Variants in INO80 observed in about 807,000 individuals in gnomAD.
INO80 encodes the protein INO80 complex ATPase subunit.
A neutral mutation model predicts 203.4 loss-of-function variants in INO80; 20 were observed. The ratio of observed to expected loss-of-function variants is 0.10; its 90% CI spans 0.07 to 0.14. The LOEUF (loss-of-function observed/expected upper bound fraction) is 0.14, where lower values mean the gene tolerates loss of function less well. Ranked by LOEUF, INO80 falls within the 10% of genes least tolerant of loss-of-function variation. INO80 has a pLI of 1.00. For synonymous variants in INO80, 726 were observed against 685.2 expected (o/e 1.06, Z -0.93); for missense variants, 1,419 against 1,914.4 (o/e 0.74, Z 4.83).
rs569251876 is a variant in INO80, at chr15:41,068,224, C to A, written c.1782+1346G>T. ...ATGACTAGAGGCCAGGAGTTCAAGA[C>A]CAGCCTGGGCAACATAGTGAGACCT... On this transcript the variant is annotated intron_variant, in intron 14 of 35. Coordinates refer to ENST00000648947, the MANE Select transcript of INO80 (RefSeq NM_017553.3). Among the ~76,000 whole-genome samples, 11 of 151,976 alleles carry A rather than the reference C, an allele frequency of 7.2e-5. No individual in the cohort carries two copies. In the South Asian group the frequency reaches 2.1e-3, roughly 29 times the overall value.
At chr15:41,020,156 G>A (rs1404230869) in intron 26 of INO80, among the ~76,000 whole-genome samples, 1 of 152,116 alleles carries the variant, frequency 6.6e-6, no homozygotes, top group African/African-American at 2.4e-5. Context: ...AGGAGGCGGG[G>A]CTTGCAGTGA....
intron 16 of INO80, 149 bp downstream of exon 16, chr15:41,058,490 G>T: frequency 1.3e-6 from 1 of 748,760 alleles, no homozygotes; most frequent in Non-Finnish European, 2.0e-6. Context: ...GCGAGACCTT[G>T]TCTCTATTAA....
At chr15:41,060,543 A>G (rs1210248694) in intron 14 of INO80, among the ~76,000 whole-genome samples, 1 of 151,970 alleles carries the variant, frequency 6.6e-6, no homozygotes, top group East Asian at 1.9e-4. Context: ...GACAAGAGCA[A>G]GACTTTGTCT....
chr15:41,019,954 G>C (rs1474132918), intron 26 of INO80, among the ~76,000 whole-genome samples: 1 of 152,212 alleles, frequency 6.6e-6, no homozygotes, highest in East Asian at 1.9e-4. Context: ...GGGCGCGGTG[G>C]CTCACGCCTG....
At chr15:41,081,695 C>G (rs1004222690) in intron 7 of INO80, among the ~76,000 whole-genome samples, 4 of 152,110 alleles carry the variant, frequency 2.6e-5, no homozygotes, top group Admixed American at 2.0e-4. Context: ...ACCTGACTCC[C>G]CATGATGTCT....
chr15:41,049,212 C>A, intron 21 of INO80, 75 bp downstream of exon 21: 1 of 1,282,622 alleles, frequency 7.8e-7, no homozygotes, highest in Non-Finnish European at 1.1e-6. Context: ...ATTCTCTCCA[C>A]TAAATTTATC....
chr15:41,081,164 G>A, intron 7 of INO80, 91 bp from the exon 8 acceptor site: 1 of 820,376 alleles, frequency 1.2e-6, no homozygotes. Flanking sequence ...ATTCCTAGAG[G>A]GTTAGAAAAT....
At position 41,096,369 on chromosome 15, in the gene INO80, A is replaced by G. The variant is rs1396067052; in HGVS notation, c.-43-16T>C. The G allele has an allele frequency of 6.8e-7, 1 of 1,467,962 alleles. No individual in the cohort carries two copies. Among genetic ancestry groups the G allele is most frequent in the South Asian group, 1.4e-5 (1 of 69,666 alleles). The allele number at this position is 1,467,962 out of a possible 1,614,324, so 90.9% of individuals were successfully genotyped here. Reference sequence around the variant, plus strand: ...GACTGCACGGCTGCAGAACAGAGATAAGAAGTGAAAGATGAAATTACTATC... The same window carrying G: ...GACTGCACGGCTGCAGAACAGAGATGAGAAGTGAAAGATGAAATTACTATC... On this transcript the variant is annotated splice_polypyrimidine_tract_variant and intron_variant, in intron 1 of 35. Coordinates refer to ENST00000648947, the MANE Select transcript of INO80 (RefSeq NM_017553.3).
At chr15:41,072,598 A>C (rs2045340106) in intron 11 of INO80, among the ~76,000 whole-genome samples, 1 of 147,046 alleles carries the variant, frequency 6.8e-6, no homozygotes, top group South Asian at 2.2e-4. Context: ...GCGCACCTGT[A>C]GTCCCAGCTA....
intron 28 of INO80, chr15:40,999,207 G>A (rs1444132558): frequency 1.3e-5 from 2 of 152,098 alleles, no homozygotes; most frequent in African/African-American, 4.8e-5. Flanking sequence ...TTCCAGTAAG[G>A]AAAACAAAAA....
chr15:41,090,725 G>A (rs1399653028), intron 5 of INO80, among the ~76,000 whole-genome samples: 1 of 151,946 alleles, frequency 6.6e-6, no homozygotes, highest in Non-Finnish European at 1.5e-5. Context: ...ACACAACTAT[G>A]AATATATTAA....
At chr15:41,083,389 G>A (rs1020333989) in intron 7 of INO80, among the ~76,000 whole-genome samples, 1 of 151,710 alleles carries the variant, frequency 6.6e-6, no homozygotes, top group African/African-American at 2.4e-5. Flanking sequence ...ACCATACCAA[G>A]GGATCAAAGG....
intron 23 of INO80, 92 bp from the exon 24 acceptor site, chr15:41,045,167 A>T: frequency 1.1e-6 from 1 of 892,744 alleles, no homozygotes; most frequent in South Asian, 2.6e-5. Flanking sequence ...CATTAACATA[A>T]CTCTTTTGTA....
intron 19 of INO80, among the ~76,000 whole-genome samples, chr15:41,051,802 C>A (rs1038164994): frequency 6.6e-6 from 1 of 151,892 alleles, no homozygotes; most frequent in Non-Finnish European, 1.5e-5. Flanking sequence ...ACTAAAAATA[C>A]AAAAATTAGC....
rs184228819 is a variant in INO80 at position 41,008,864 on chromosome 15, C to T, written c.3403-3177G>A. On this transcript the variant is annotated intron_variant, in intron 27 of 35. Coordinates refer to ENST00000648947, the MANE Select transcript of INO80 (RefSeq NM_017553.3). ...TTTTATTTTTTTTGAGATGGAGTCT[C>T]GCTCTGTTGCCCAGGCTGGAGCGCA... Among the ~76,000 whole-genome samples the T allele has an allele frequency of 2.7e-3, 410 of 152,252 alleles. 3 individuals are homozygous for T. The highest frequency in any genetic ancestry group is 0.013 in the South Asian group (61 of 4,820).
At chr15:41,068,677 G>A (rs915001568) in intron 14 of INO80, among the ~76,000 whole-genome samples, 34 of 152,034 alleles carry the variant, frequency 2.2e-4, no homozygotes, top group Middle Eastern at 3.4e-3. Flanking sequence ...GGACAACATG[G>A]TGAAACCCTC....
chr15:40,984,715 C>T (rs1250077443), intron 32 of INO80, among the ~76,000 whole-genome samples: 1 of 152,150 alleles, frequency 6.6e-6, no homozygotes, highest in African/African-American at 2.4e-5. Flanking sequence ...CAGAGCCACA[C>T]CAACCCTGAT....
intron 24 of INO80, among the ~76,000 whole-genome samples, chr15:41,041,462 C>T (rs559094112): frequency 2.0e-4 from 29 of 148,190 alleles, no homozygotes; most frequent in Middle Eastern, 3.4e-3. Flanking sequence ...TTTTTTGAGA[C>T]GGAGTTTTGC....
intron 15 of INO80, 99 bp from the exon 16 acceptor site, chr15:41,058,880 C>A: frequency 1.8e-6 from 2 of 1,139,886 alleles, no homozygotes; most frequent in Non-Finnish European, 2.5e-6. Flanking sequence ...ATGTTTAAGA[C>A]AGCCCTGAAG....
Sources: allele counts gnomAD v4.1 joint callset (sites outside exome capture counted in the v4.1 genomes callset), GRCh38; gene constraint gnomAD v4.1.1; transcripts MANE v1.5; gene names NCBI Gene and HGNC (gene_info 2026-07-23, HGNC 2026-07-21).